Variants in ARHGAP42 observed in about 807,000 individuals in gnomAD.
ARHGAP42 encodes Rho GTPase activating protein 42.
In ARHGAP42, 63 loss-of-function variants were observed where a neutral mutation model predicts 125.0. The ratio of observed to expected loss-of-function variants is 0.50; its 90% CI spans 0.41 to 0.62. The LOEUF (loss-of-function observed/expected upper bound fraction) is 0.62, where lower values mean the gene tolerates loss of function less well. Ranked by LOEUF, ARHGAP42 falls within the 20% of genes least tolerant of loss-of-function variation. The pLI, the probability that ARHGAP42 is intolerant of heterozygous loss-of-function variation, is 0.00. For synonymous variants in ARHGAP42, 339 were observed against 351.0 expected (o/e 0.97, Z 0.38); for missense variants, 766 against 1,024.2 (o/e 0.75, Z 3.44).
rs150103177 is a variant in ARHGAP42 at position 100,929,077 on chromosome 11, T to C, written c.598-4079T>C. Among the ~76,000 whole-genome samples the C allele has an allele frequency of 5.3e-3, 803 of 152,310 alleles. 5 individuals are homozygous for C. The highest frequency in any genetic ancestry group is 0.018 in the African/African-American group (768 of 41,572). On this transcript the variant is annotated intron_variant, in intron 6 of 23. Coordinates refer to ENST00000298815, the MANE Select transcript of ARHGAP42 (RefSeq NM_152432.4). ...TATAAACCAGCGGTCCCCAACCTTT[T>C]TGGCACCAGAGACCAGTTTTATGGA...
chr11:100,881,582 A>AT (rs1472878659), intron 4 of ARHGAP42, among the ~76,000 whole-genome samples: 1 of 152,000 alleles, frequency 6.6e-6, no homozygotes, highest in Non-Finnish European at 1.5e-5. Context: ...TTCCATATGA[A>AT]TTTTTGGATT....
intron 2 of ARHGAP42, among the ~76,000 whole-genome samples, chr11:100,776,816 C>T (rs946155805): frequency 6.6e-6 from 1 of 151,902 alleles, no homozygotes; most frequent in African/African-American, 2.4e-5. Context: ...AACCCCATCT[C>T]TTCTAAAAAT....
At chr11:100,894,274 T>C (rs2135196902) in intron 4 of ARHGAP42, among the ~76,000 whole-genome samples, 1 of 152,350 alleles carries the variant, frequency 6.6e-6, no homozygotes, top group East Asian at 1.9e-4. Context: ...GTCTAGACTT[T>C]CATGAGCTGT....
intron 4 of ARHGAP42, among the ~76,000 whole-genome samples, chr11:100,901,296 G>A (rs1196252461): frequency 1.3e-5 from 2 of 152,136 alleles, no homozygotes; most frequent in African/African-American, 4.8e-5. Flanking sequence ...CGTTCCAGAG[G>A]GGCACATGCC....
At chr11:100,870,356 G>A (rs1865668287) in intron 4 of ARHGAP42, among the ~76,000 whole-genome samples, 1 of 152,122 alleles carries the variant, frequency 6.6e-6, no homozygotes, top group Non-Finnish European at 1.5e-5. Flanking sequence ...ATAACAAGGT[G>A]GTGTTCTTGG....
At chr11:100,888,264 G>A (rs1050618029) in intron 4 of ARHGAP42, among the ~76,000 whole-genome samples, 1 of 151,614 alleles carries the variant, frequency 6.6e-6, no homozygotes, top group Non-Finnish European at 1.5e-5. Context: ...CCATAATTTA[G>A]CTTGACGTGT....
chr11:100,945,507 C>G (rs1867992710), intron 10 of ARHGAP42, among the ~76,000 whole-genome samples: 1 of 152,064 alleles, frequency 6.6e-6, no homozygotes, highest in Admixed American at 6.6e-5. Flanking sequence ...AAATGTGTTT[C>G]TTAAATAATA....
intron 4 of ARHGAP42, among the ~76,000 whole-genome samples, chr11:100,898,364 T>C (rs1309574983): frequency 1.3e-5 from 2 of 152,210 alleles, no homozygotes; most frequent in Non-Finnish European, 2.9e-5. Context: ...ATAAAATGAA[T>C]TGGGGAAGAT....
chr11:100,801,354 T>C (rs1301446797), intron 3 of ARHGAP42, among the ~76,000 whole-genome samples: 1 of 152,190 alleles, frequency 6.6e-6, no homozygotes, highest in Admixed American at 6.5e-5. Context: ...GAGTATTATA[T>C]ATATATTTGT....
intron 3 of ARHGAP42, among the ~76,000 whole-genome samples, chr11:100,815,077 C>A (rs528623040): frequency 2.0e-5 from 3 of 152,328 alleles, no homozygotes; most frequent in South Asian, 4.1e-4. Flanking sequence ...ATGGAACTTA[C>A]TATCTGTGAC....
At chr11:100,980,714 G>C (rs976379909) in intron 22 of ARHGAP42, among the ~76,000 whole-genome samples, 1 of 151,490 alleles carries the variant, frequency 6.6e-6, no homozygotes, top group African/African-American at 2.4e-5. Context: ...GGGATTACAG[G>C]TGTGTGCCAC....
chr11:100,886,159 G>C (rs1169303981), intron 4 of ARHGAP42, among the ~76,000 whole-genome samples: 1 of 152,184 alleles, frequency 6.6e-6, no homozygotes, highest in East Asian at 1.9e-4. Context: ...TATCTCTTTA[G>C]ATTTCAAAGG....
At chr11:100,691,124 T>G (rs922190796) in intron 1 of ARHGAP42, among the ~76,000 whole-genome samples, 1 of 152,210 alleles carries the variant, frequency 6.6e-6, no homozygotes, top group African/African-American at 2.4e-5. Flanking sequence ...ATATGCCACA[T>G]AGATATTTTG....
At chr11:100,940,882 A>G (rs1428034444) in intron 8 of ARHGAP42, among the ~76,000 whole-genome samples, 1 of 152,220 alleles carries the variant, frequency 6.6e-6, no homozygotes, top group African/African-American at 2.4e-5. Context: ...TCCTGCTCAC[A>G]TAGATTCATA....
intron 1 of ARHGAP42, among the ~76,000 whole-genome samples, chr11:100,701,070 T>C (rs1591115072): frequency 6.6e-6 from 1 of 152,220 alleles, no homozygotes; most frequent in Admixed American, 6.5e-5. Context: ...AATATTAATC[T>C]TTTTATACAT....
chr11:100,696,166 A>G (rs943154805), intron 1 of ARHGAP42, among the ~76,000 whole-genome samples: 3 of 152,066 alleles, frequency 2.0e-5, no homozygotes, highest in African/African-American at 7.2e-5. Flanking sequence ...TTGAGGATGC[A>G]GTGAACCATG....
intron 13 of ARHGAP42, 79 bp from the exon 14 acceptor site, chr11:100,960,836 C>A: frequency 1.2e-6 from 1 of 861,802 alleles, no homozygotes; most frequent in Non-Finnish European, 1.7e-6. Flanking sequence ...TTTTGTTAGG[C>A]ATATGTCTGA....
At chr11:100,870,474 T>C (rs559105131) in intron 4 of ARHGAP42, among the ~76,000 whole-genome samples, 1 of 152,238 alleles carries the variant, frequency 6.6e-6, no homozygotes, top group Non-Finnish European at 1.5e-5. Flanking sequence ...CTAAATGTAT[T>C]TCATGATACC....
intron 1 of ARHGAP42, among the ~76,000 whole-genome samples, chr11:100,756,704 T>C (rs1468028397): frequency 6.6e-6 from 1 of 152,180 alleles, no homozygotes; most frequent in Non-Finnish European, 1.5e-5. Context: ...TCTTCCAAAG[T>C]TTGGAAAGCT....
Sources: allele counts gnomAD v4.1 joint callset (sites outside exome capture counted in the v4.1 genomes callset), GRCh38; gene constraint gnomAD v4.1.1; transcripts MANE v1.5; gene names NCBI Gene and HGNC (gene_info 2026-07-23, HGNC 2026-07-21).